FANK1: variants seen among roughly 807,000 people sequenced by gnomAD.
FANK1 encodes fibronectin type 3 and ankyrin repeat domains protein 1.
Under a neutral mutation model 45.3 loss-of-function variants are expected in FANK1, and 44 were observed. The observed-to-expected ratio is 0.97, with a 90% CI of 0.76 to 1.25. The LOEUF (loss-of-function observed/expected upper bound fraction) is 1.25. Among genes scored for constraint, FANK1 ranks in the 50% most tolerant of loss-of-function variants. The probability of loss-of-function intolerance (pLI) is 0.00; values close to 1 mark genes in which losing one functional copy is unlikely to be tolerated. For missense variants in FANK1, 391 were observed against 424.4 expected, an observed-to-expected ratio of 0.92 and a Z score of 0.69; for synonymous variants, 149 against 152.5, an observed-to-expected ratio of 0.98 and a Z score of 0.17.
intron 5 of FANK1, among the ~76,000 whole-genome samples, chr10:125,997,147 C>T (rs1186278989): frequency 1.3e-5 from 2 of 152,084 alleles, no homozygotes; most frequent in Non-Finnish European, 2.9e-5. Context: ...CAAAGGACAG[C>T]GAATTATTTT....
chr10:125,986,708 G>T (rs1951582586), intron 2 of FANK1, among the ~76,000 whole-genome samples: 1 of 152,186 alleles, frequency 6.6e-6, no homozygotes, highest in African/African-American at 2.4e-5. Flanking sequence ...TGACATCAGA[G>T]ATACCTCAAC....
chr10:125,898,505 A>G (rs1944764595), intron 1 of FANK1, among the ~76,000 whole-genome samples: 1 of 152,118 alleles, frequency 6.6e-6, no homozygotes, highest in Non-Finnish European at 1.5e-5. Flanking sequence ...CCAGCAAAGA[A>G]TGAGGGCAAG....
At chr10:125,943,073 A>C (rs954402349) in intron 1 of FANK1, among the ~76,000 whole-genome samples, 4 of 152,100 alleles carry the variant, frequency 2.6e-5, no homozygotes, top group African/African-American at 9.7e-5. Flanking sequence ...CGGCTTCCCA[A>C]AGTGCTAGGA....
At chr10:125,913,956 C>T (rs75612127) in intron 1 of FANK1, among the ~76,000 whole-genome samples, 4 of 150,550 alleles carry the variant, frequency 2.7e-5, no homozygotes, top group East Asian at 1.9e-4. Flanking sequence ...GAAGGACTGT[C>T]GAGTAAAAAC....
intron 1 of FANK1, among the ~76,000 whole-genome samples, chr10:125,899,234 A>G (rs1470530414): frequency 3.3e-5 from 5 of 152,056 alleles, no homozygotes. Flanking sequence ...CTAATTTTGT[A>G]TTTTTAGTAG....
At position 125,995,532 on chromosome 10, in the gene FANK1, C is replaced by T. The variant is rs201725687; in HGVS notation, c.398+34C>T. Reference sequence around the variant, plus strand: ...ACTCTGTCAGTTGTTTTTTTTCCCCCATGCCTATAAAGTGCATAGAAATAC... The same window carrying T: ...ACTCTGTCAGTTGTTTTTTTTCCCCTATGCCTATAAAGTGCATAGAAATAC... On this transcript the variant is annotated intron_variant, in intron 4 of 10. Coordinates refer to ENST00000368693, the MANE Select transcript of FANK1 (RefSeq NM_145235.5). 2.8e-5 allele frequency: 44 copies of T among 1,593,984 alleles called. No individual in the cohort carries two copies. The African/African-American group carries it at 5.1e-4, about 18-fold the overall frequency.
chr10:125,956,584 A>G (rs946600672), intron 1 of FANK1, among the ~76,000 whole-genome samples: 23 of 152,184 alleles, frequency 1.5e-4, no homozygotes, highest in African/African-American at 5.6e-4. Flanking sequence ...GAAATGTAAT[A>G]TATTTATTGT....
Position 126,009,491 on chromosome 10 carries a change from G to A in FANK1, c.*53G>A, listed in dbSNP as rs199506558. 6.3e-4 allele frequency: 999 copies of A among 1,579,278 alleles called. No individual in the cohort carries two copies. Among genetic ancestry groups the A allele is most frequent in the Admixed American group, 1.9e-3 (110 of 57,536 alleles). ...ACGTAAAACAAAGTGAACCGTGACTGTTAAACTAGGGATGGGAAATTCTGC... is the reference window on the plus strand; with the variant it reads ...ACGTAAAACAAAGTGAACCGTGACTATTAAACTAGGGATGGGAAATTCTGC... On this transcript the variant is annotated 3_prime_UTR_variant, in exon 11 of 11. Coordinates refer to ENST00000368693, the MANE Select transcript of FANK1 (RefSeq NM_145235.5).
At chr10:125,934,728 T>TGC (rs1947971119) in intron 1 of FANK1, among the ~76,000 whole-genome samples, 3 of 8,598 alleles carry the variant, frequency 3.5e-4, no homozygotes, top group African/African-American at 7.2e-4. Flanking sequence ...CCTACCGTTT[T>TGC]TTTTTTTTTT....
chr10:125,961,790 A>G (rs904578056), intron 1 of FANK1, among the ~76,000 whole-genome samples: 2 of 152,176 alleles, frequency 1.3e-5, no homozygotes, highest in Non-Finnish European at 2.9e-5. Context: ...TTCAAAAAAT[A>G]AAAGTTAGCC....
intron 1 of FANK1, among the ~76,000 whole-genome samples, chr10:125,904,300 A>AGTAT (rs920089656): frequency 1.3e-5 from 2 of 152,280 alleles, no homozygotes; most frequent in African/African-American, 4.8e-5. Context: ...AAACATAAGA[A>AGTAT]GTATGTATAC....
chr10:125,899,323 G>C (rs67651574), intron 1 of FANK1, among the ~76,000 whole-genome samples: 1 of 147,990 alleles, frequency 6.8e-6, no homozygotes, highest in Non-Finnish European at 1.5e-5. Context: ...GCCTCCCAAA[G>C]TGCTGGGATT....
Position 125,907,314 on chromosome 10 carries a change from A to G in FANK1, c.13+10659A>G, listed in dbSNP as rs569789367. The G allele has an allele frequency of 4.5e-5, 8 of 178,338 alleles. No individual in the cohort carries two copies. The South Asian group carries it at 1.5e-3, about 33-fold the overall frequency. 11.0% of individuals were successfully genotyped at this position (178,338 alleles called of 1,614,324 possible). On this transcript the variant is annotated intron_variant, in intron 1 of 10. Transcript: ENST00000368693. Reference sequence around the variant, plus strand: ...TAGGCACAACTCTAATTAGTTATCTATTGCTGCATAAGAAATTACCTGAAA... The same window carrying G: ...TAGGCACAACTCTAATTAGTTATCTGTTGCTGCATAAGAAATTACCTGAAA...
Position 126,009,435 on chromosome 10 carries a change from C to T in FANK1, c.1035C>T (p.Cys345=), listed in dbSNP as rs202039559. 30 of 1,614,116 alleles carry T rather than the reference C, an allele frequency of 1.9e-5. No homozygotes were observed. The highest frequency in any genetic ancestry group is 1.4e-5 in the Non-Finnish European group (16 of 1,180,018). ...KKQRPKKSCV[C] ...AGAGGCCAAAGAAGTCTTGTGTCTG[C>T]TGATGAGAGCACCACTCATCTGCGA... The change falls in exon 11 of 11, where the codon TGC becomes TGT. Residue 345 remains cysteine (C), a synonymous_variant. Coordinates refer to ENST00000368693, the MANE Select transcript of FANK1 (RefSeq NM_145235.5).
chr10:125,955,905 C>T (rs2134172459), intron 1 of FANK1, among the ~76,000 whole-genome samples: 1 of 152,208 alleles, frequency 6.6e-6, no homozygotes, highest in South Asian at 2.1e-4. Flanking sequence ...TGGAAGGAAG[C>T]AGGGTTGGGG....
chr10:125,921,499 G>A (rs535096665), intron 1 of FANK1, among the ~76,000 whole-genome samples: 2,474 of 152,144 alleles, frequency 0.016, 31 homozygotes, highest in South Asian at 0.032. Context: ...CTTTTTGTCT[G>A]AGCATAGGTT....
At chr10:125,935,799 T>C (rs963020086) in intron 1 of FANK1, among the ~76,000 whole-genome samples, 2 of 152,196 alleles carry the variant, frequency 1.3e-5, no homozygotes, top group Non-Finnish European at 2.9e-5. Context: ...TCATAATAAC[T>C]TCAGTGGCTG....
chr10:125,997,305 AGAAACTGTT>A, intron 5 of FANK1, 106 bp from the exon 6 acceptor site: 1 of 727,074 alleles, frequency 1.4e-6, no homozygotes, highest in Non-Finnish European at 2.2e-6. Flanking sequence ...AAGGTGCAGA[AGAAACTGTT>A]GAAAGATACA....
intron 1 of FANK1, among the ~76,000 whole-genome samples, chr10:125,930,735 A>T (rs952464678): frequency 1.3e-5 from 2 of 151,980 alleles, no homozygotes; most frequent in Non-Finnish European, 2.9e-5. Flanking sequence ...AAAATTTTCC[A>T]CAAGTTATTA....
Sources: allele counts gnomAD v4.1 joint callset (sites outside exome capture counted in the v4.1 genomes callset), GRCh38; gene constraint gnomAD v4.1.1; transcripts MANE v1.5; gene names NCBI Gene and HGNC (gene_info 2026-07-23, HGNC 2026-07-21).